LRMDA: variants seen among roughly 807,000 people sequenced by gnomAD.
The protein encoded by LRMDA is leucine-rich melanocyte differentiation-associated protein.
In LRMDA, 18 loss-of-function variants were observed where a neutral mutation model predicts 29.8. The observed-to-expected ratio is 0.60, with a 90% CI of 0.42 to 0.90. LRMDA has a LOEUF of 0.90. Among genes scored for constraint, LRMDA ranks in the 40% least tolerant of loss-of-function variants. LRMDA has a pLI of 0.00. For missense variants in LRMDA, 273 were observed against 273.9 expected, an observed-to-expected ratio of 1.00 and a Z score of 0.02; for synonymous variants, 125 against 109.4, an observed-to-expected ratio of 1.14 and a Z score of -0.89.
intron 5 of LRMDA, among the ~76,000 whole-genome samples, chr10:76,063,217 T>G (rs535632297): frequency 7.9e-5 from 12 of 152,362 alleles, no homozygotes; most frequent in Admixed American, 7.2e-4. Flanking sequence ...TTTGCTTGCA[T>G]TAATATCCAT....
At chr10:75,729,231 AGTGAAG>A (rs1486330006) in intron 2 of LRMDA, among the ~76,000 whole-genome samples, 1 of 152,246 alleles carries the variant, frequency 6.6e-6, no homozygotes, top group African/African-American at 2.4e-5. Flanking sequence ...CTAATGAATG[AGTGAAG>A]GTGTTTACAT....
chr10:76,110,403 A>T (rs966475347), intron 5 of LRMDA, among the ~76,000 whole-genome samples: 2 of 152,218 alleles, frequency 1.3e-5, no homozygotes, highest in Admixed American at 6.5e-5. Flanking sequence ...GACCCCTTGC[A>T]GTCTACTCTG....
At chr10:75,500,930 G>C (rs951469631) in intron 2 of LRMDA, among the ~76,000 whole-genome samples, 1 of 152,162 alleles carries the variant, frequency 6.6e-6, no homozygotes, top group African/African-American at 2.4e-5. Context: ...TGGATAGCAG[G>C]CTTCCCCAAC....
intron 3 of LRMDA, among the ~76,000 whole-genome samples, chr10:76,036,444 A>T (rs1848247859): frequency 6.6e-6 from 1 of 152,202 alleles, no homozygotes; most frequent in African/African-American, 2.4e-5. Context: ...ATAGAGAAAG[A>T]AAATAATGTC....
chr10:75,897,224 T>C (rs530770431), intron 2 of LRMDA, among the ~76,000 whole-genome samples: 1 of 152,326 alleles, frequency 6.6e-6, no homozygotes, highest in African/African-American at 2.4e-5. Flanking sequence ...GGCTCTCCAA[T>C]GAGTAGCAGA....
intron 5 of LRMDA, among the ~76,000 whole-genome samples, chr10:76,093,338 A>G (rs1220732437): frequency 1.3e-5 from 2 of 148,482 alleles, no homozygotes; most frequent in Non-Finnish European, 3.0e-5. Flanking sequence ...TTGGAGAGTT[A>G]TTATAGACAA....
chr10:76,276,913 A>C (rs1210238920), intron 5 of LRMDA, among the ~76,000 whole-genome samples: 1 of 152,098 alleles, frequency 6.6e-6, no homozygotes, highest in African/African-American at 2.4e-5. Flanking sequence ...GTGCCTGTAC[A>C]CTCAAGAGTT....
At chr10:76,301,200 G>A (rs1248316700) in intron 5 of LRMDA, among the ~76,000 whole-genome samples, 2 of 152,140 alleles carry the variant, frequency 1.3e-5, no homozygotes, top group Non-Finnish European at 2.9e-5. Context: ...ATTTTATTAA[G>A]TTACCATTAT....
chr10:76,359,692 C>T (rs924852560), intron 6 of LRMDA, among the ~76,000 whole-genome samples: 8 of 152,106 alleles, frequency 5.3e-5, no homozygotes, highest in African/African-American at 1.2e-4. Flanking sequence ...TGACCACTTT[C>T]GTAAGTAATC....
intron 6 of LRMDA, among the ~76,000 whole-genome samples, chr10:76,555,890 C>T (rs1273568989): frequency 2.6e-5 from 4 of 151,194 alleles, no homozygotes; most frequent in Non-Finnish European, 4.4e-5. Flanking sequence ...GAATGACTGT[C>T]TTATGGACAT....
chr10:75,647,991 A>T (rs1404824120), intron 2 of LRMDA, among the ~76,000 whole-genome samples: 3 of 144,894 alleles, frequency 2.1e-5, no homozygotes, highest in Admixed American at 2.0e-4. Context: ...CTTGCCTCCA[A>T]ATGATACCAA....
chr10:75,617,895 AGAAGACTGACCTTG>A (rs1320388975), intron 2 of LRMDA, among the ~76,000 whole-genome samples: 3 of 152,226 alleles, frequency 2.0e-5, no homozygotes, highest in Admixed American at 6.5e-5. Flanking sequence ...CTGGCGCTAC[AGAAGACTGACCTTG>A]GGCAAATCAA....
intron 5 of LRMDA, among the ~76,000 whole-genome samples, chr10:76,197,861 G>A (rs1449211535): frequency 1.3e-5 from 2 of 151,798 alleles, no homozygotes; most frequent in African/African-American, 4.8e-5. Flanking sequence ...CAGAGGCTGC[G>A]GTGAGTCGAG....
chr10:76,398,492 A>T (rs1841813620), intron 6 of LRMDA, among the ~76,000 whole-genome samples: 1 of 152,330 alleles, frequency 6.6e-6, no homozygotes, highest in East Asian at 1.9e-4. Flanking sequence ...TCAAAGGGGC[A>T]ATTGTAAGAT....
At chr10:75,656,839 G>A (rs778557008) in intron 2 of LRMDA, among the ~76,000 whole-genome samples, 2 of 152,172 alleles carry the variant, frequency 1.3e-5, no homozygotes, top group Non-Finnish European at 2.9e-5. Flanking sequence ...AGATTAACAT[G>A]CAACTATAAA....
At chr10:76,410,160 A>G (rs1233737705) in intron 6 of LRMDA, among the ~76,000 whole-genome samples, 1 of 152,110 alleles carries the variant, frequency 6.6e-6, no homozygotes, top group Non-Finnish European at 1.5e-5. Flanking sequence ...GGGAGGGGAT[A>G]GAGAGAGAAA....
At chr10:76,371,599 A>G (rs1181350729) in intron 6 of LRMDA, among the ~76,000 whole-genome samples, 1 of 152,152 alleles carries the variant, frequency 6.6e-6, no homozygotes, top group Non-Finnish European at 1.5e-5. Flanking sequence ...GTCTAGGGTA[A>G]TAATCAAAAC....
At chr10:75,897,817 C>CTTTTTTTTTTTTTTTTTT (rs3042518) in intron 2 of LRMDA, among the ~76,000 whole-genome samples, 1 of 78,420 alleles carries the variant, frequency 1.3e-5, no homozygotes, top group Non-Finnish European at 2.2e-5. Context: ...TTCTTCCTGC[C>CTTTTTTTTTTTTTTTTTT]TTTTTTTTTT....
chr10:75,454,177 A>G (rs1019297509), intron 2 of LRMDA, among the ~76,000 whole-genome samples: 1 of 152,234 alleles, frequency 6.6e-6, no homozygotes, highest in Non-Finnish European at 1.5e-5. Context: ...CTTATGACCA[A>G]CTATCAGACA....
Sources: gnomAD v4.1 joint callset for allele counts (sites outside exome capture counted in the v4.1 genomes callset) on GRCh38, gnomAD v4.1.1 for gene constraint, MANE v1.5 for transcripts, NCBI Gene and HGNC (gene_info 2026-07-23, HGNC 2026-07-21) for gene names.